MAP3K5: variants seen among roughly 807,000 people sequenced by gnomAD.
The protein encoded by MAP3K5 is mitogen-activated protein kinase kinase kinase 5.
MAP3K5 carries 56 observed loss-of-function variants against 158.7 expected under a neutral mutation model. That is an observed-to-expected ratio of 0.35 (90% CI 0.28 to 0.44). The LOEUF (loss-of-function observed/expected upper bound fraction) is 0.44. Among genes scored for constraint, MAP3K5 ranks in the 20% least tolerant of loss-of-function variants. MAP3K5 has a pLI of 1.00. For missense variants in MAP3K5, 1,294 were observed against 1,674.8 expected, an observed-to-expected ratio of 0.77 and a Z score of 3.97; for synonymous variants, 579 against 601.7, an observed-to-expected ratio of 0.96 and a Z score of 0.55.
At chr6:136,668,888 T>A (rs1192752195) in intron 8 of MAP3K5, among the ~76,000 whole-genome samples, 1 of 151,426 alleles carries the variant, frequency 6.6e-6, no homozygotes, top group East Asian at 1.9e-4. Context: ...GAGAAACAGA[T>A]AAAGGAAACA....
intron 11 of MAP3K5, among the ~76,000 whole-genome samples, chr6:136,650,599 A>G (rs915588775): frequency 2.0e-5 from 3 of 152,252 alleles, no homozygotes; most frequent in Non-Finnish European, 4.4e-5. Flanking sequence ...CCAGTGTAAG[A>G]TTAAAAGTGG....
At position 136,688,996 on chromosome 6, in the gene MAP3K5, GA is replaced by G. The variant is rs756063799; in HGVS notation, c.1253+5143del. 5.0e-3 allele frequency among the ~76,000 whole-genome samples: 726 copies of G among 144,882 alleles called. 5 individuals are homozygous for G. The highest frequency in any genetic ancestry group is 6.7e-3 in the Non-Finnish European group (443 of 65,670). On this transcript the variant is annotated intron_variant, in intron 7 of 29. Coordinates refer to ENST00000359015, the MANE Select transcript of MAP3K5 (RefSeq NM_005923.4). ...ATTACACTCCTCTTTTGTAATAGCA[GA>G]AAAAAAAAAAACTTGGTTAAGGCCA...
chr6:136,789,284 T>C (rs567590622), intron 1 of MAP3K5, among the ~76,000 whole-genome samples: 1 of 152,338 alleles, frequency 6.6e-6, no homozygotes, highest in South Asian at 2.1e-4. Flanking sequence ...CACTCCAGGC[T>C]GGGCAACAGA....
chr6:136,657,158 G>A (rs1395065189), intron 9 of MAP3K5, among the ~76,000 whole-genome samples: 1 of 152,110 alleles, frequency 6.6e-6, no homozygotes, highest in African/African-American at 2.4e-5. Context: ...CACTTCATAA[G>A]AGATCATTAT....
At chr6:136,629,621 AT>A (rs1258746902) in intron 14 of MAP3K5, among the ~76,000 whole-genome samples, 1 of 151,660 alleles carries the variant, frequency 6.6e-6, no homozygotes. Flanking sequence ...CACCCAGCTA[AT>A]TTTTTGTATT....
intron 23 of MAP3K5, among the ~76,000 whole-genome samples, chr6:136,590,660 A>G (rs1462605328): frequency 1.3e-5 from 2 of 150,456 alleles, no homozygotes; most frequent in Non-Finnish European, 3.0e-5. Flanking sequence ...CCTGCCTCAG[A>G]CTCCCACGTA....
chr6:136,603,447 G>A (rs1299293396), intron 19 of MAP3K5, among the ~76,000 whole-genome samples: 1 of 151,706 alleles, frequency 6.6e-6, no homozygotes. Flanking sequence ...CAAAGTGCTG[G>A]GATTATAGGT....
intron 14 of MAP3K5, chr6:136,629,303 TG>T (rs1363989099): frequency 6.6e-6 from 1 of 152,208 alleles, no homozygotes; most frequent in African/African-American, 2.4e-5. Flanking sequence ...AAGACCCAAA[TG>T]GCAGCTCTGT....
In MAP3K5 at chr6:136,642,015, T is replaced by TAAAATAAATA. The variant is rs61244217; in HGVS notation, c.1838+504_1838+505insTATTTATTTT. ...CAAAATAAAATAAAATAAAATAAAA[T>TAAAATAAATA]AAATAAAATAAAATAAAAATAAAAT... On this transcript the variant is annotated intron_variant, in intron 12 of 29. Coordinates refer to ENST00000359015, the MANE Select transcript of MAP3K5 (RefSeq NM_005923.4). 2.4e-3 allele frequency among the ~76,000 whole-genome samples: 267 copies of TAAAATAAATA among 110,520 alleles called. 6 individuals are homozygous for TAAAATAAATA. Among genetic ancestry groups the TAAAATAAATA allele is most frequent in the African/African-American group, 8.1e-3 (213 of 26,426 alleles). 72.5% of individuals were successfully genotyped at this position (110,520 alleles called of 152,430 possible). A position where few individuals can be genotyped will look rare whatever the true frequency, so the allele number is the denominator to read the frequency against.
chr6:136,619,499 C>T (rs1336490092), intron 15 of MAP3K5, among the ~76,000 whole-genome samples: 2 of 152,332 alleles, frequency 1.3e-5, no homozygotes, highest in Admixed American at 6.5e-5. Context: ...TTCCCACACA[C>T]TCCTGGTTCC....
intron 7 of MAP3K5, among the ~76,000 whole-genome samples, chr6:136,670,585 G>T (rs1045058988): frequency 1.9e-4 from 29 of 152,174 alleles, no homozygotes; most frequent in Admixed American, 1.7e-3. Flanking sequence ...AGTAAACATA[G>T]TGATAGGCAC....
Position 136,656,391 on chromosome 6 carries a change from A to T in MAP3K5, c.1596T>A (p.Pro532=). 1 of 1,613,400 alleles carries T rather than the reference A, an allele frequency of 6.2e-7. No homozygotes were observed. Residue 532 remains proline, a synonymous_variant, in exon 10 of 30, where the codon CCT becomes CCA. Coordinates refer to ENST00000359015, the MANE Select transcript of MAP3K5 (RefSeq NM_005923.4). ...KHFVKLTTEQ[P]VAKQELVDFW... ...AGTCCACAAGTTCTTGCTTGGCCAC[A>T]GGCTGTTCTGTGGTCAGTTTCACAA...
intron 1 of MAP3K5, among the ~76,000 whole-genome samples, chr6:136,762,606 A>G (rs1007187255): frequency 2.6e-5 from 4 of 152,212 alleles, no homozygotes; most frequent in Non-Finnish European, 2.9e-5. Flanking sequence ...TCTAAAGCCA[A>G]GTGGAATTAA....
chr6:136,605,179 C>A, intron 19 of MAP3K5, 30 bp downstream of exon 19: 1 of 1,603,572 alleles, frequency 6.2e-7, no homozygotes. Flanking sequence ...AAGCTTTATC[C>A]ATTTGTTTTT....
intron 21 of MAP3K5, among the ~76,000 whole-genome samples, chr6:136,593,450 C>T (rs894222903): frequency 1.2e-4 from 19 of 152,132 alleles, no homozygotes; most frequent in Admixed American, 9.8e-4. Flanking sequence ...AGTTGCCACT[C>T]GGGCCCACCA....
rs548666105 is a variant in MAP3K5, at chr6:136,635,186, C to T, written c.2016+2139G>A. Among the ~76,000 whole-genome samples the T allele has an allele frequency of 2.7e-5, 4 of 149,174 alleles. No homozygotes were observed. The South Asian group carries it at 8.5e-4, about 32-fold the overall frequency. ...CATTGAAGAATACTTCATGAATTTTCCAGTCATCCCCTTCATAATTCTATA... is the reference window on the plus strand; with the variant it reads ...CATTGAAGAATACTTCATGAATTTTTCAGTCATCCCCTTCATAATTCTATA... On this transcript the variant is annotated intron_variant, in intron 14 of 29. Transcript: ENST00000359015.
intron 1 of MAP3K5, among the ~76,000 whole-genome samples, chr6:136,787,610 T>C (rs1011405933): frequency 2.6e-5 from 4 of 152,204 alleles, no homozygotes; most frequent in Admixed American, 2.6e-4. Flanking sequence ...TGTGCCTGCA[T>C]CCCATGCCAC....
intron 26 of MAP3K5, among the ~76,000 whole-genome samples, chr6:136,563,066 G>A (rs528842913): frequency 8.5e-5 from 13 of 152,068 alleles, no homozygotes; most frequent in South Asian, 4.2e-4. Flanking sequence ...CCAGTGCCCC[G>A]GGGGTGAGTT....
chr6:136,707,900 C>T (rs1781148073), intron 2 of MAP3K5, among the ~76,000 whole-genome samples: 1 of 152,086 alleles, frequency 6.6e-6, no homozygotes, highest in African/African-American at 2.4e-5. Context: ...ACCAAACAAA[C>T]AATGAAGTGA....
Sources: allele counts gnomAD v4.1 joint callset (sites outside exome capture counted in the v4.1 genomes callset), GRCh38; gene constraint gnomAD v4.1.1; transcripts MANE v1.5; gene names NCBI Gene and HGNC (gene_info 2026-07-23, HGNC 2026-07-21).